PALM2AKAP2: variants seen among roughly 807,000 people sequenced by gnomAD.
PALM2AKAP2 encodes the protein PALM2 and AKAP2 fusion.
PALM2AKAP2 carries 37 observed loss-of-function variants against 71.5 expected under a neutral mutation model. That is an observed-to-expected ratio of 0.52 (90% CI 0.40 to 0.68). The LOEUF is 0.68. Among genes scored for constraint, PALM2AKAP2 ranks in the 30% least tolerant of loss-of-function variants. PALM2AKAP2 has a pLI of 0.00. For synonymous variants in PALM2AKAP2, 468 were observed against 478.8 expected (o/e 0.98, Z 0.29); for missense variants, 1,224 against 1,191.8 (o/e 1.03, Z -0.40).
intron 2 of PALM2AKAP2, among the ~76,000 whole-genome samples, chr9:110,149,865 A>T (rs1836267672): frequency 6.6e-6 from 1 of 152,226 alleles, no homozygotes; most frequent in Admixed American, 6.5e-5. Context: ...GCTATGGATG[A>T]CTATCTGACC....
intron 1 of PALM2AKAP2, among the ~76,000 whole-genome samples, chr9:110,115,727 C>G (rs1422679818): frequency 6.7e-6 from 1 of 148,464 alleles, no homozygotes; most frequent in Non-Finnish European, 1.5e-5. Context: ...GGTGGCAATT[C>G]ACAGTGATGC....
At chr9:109,766,193 G>A (rs1018200915) in intron 1 of PALM2AKAP2, among the ~76,000 whole-genome samples, 1 of 152,196 alleles carries the variant, frequency 6.6e-6, no homozygotes, top group Non-Finnish European at 1.5e-5. Context: ...CAGGGTCAAC[G>A]TTTTGCCCAT....
At chr9:109,645,995 C>T (rs951656256) in intron 1 of PALM2AKAP2, among the ~76,000 whole-genome samples, 3 of 151,866 alleles carry the variant, frequency 2.0e-5, no homozygotes, top group Non-Finnish European at 4.4e-5. Flanking sequence ...AAATCCAAAG[C>T]AAGCAGAAAA....
At chr9:109,995,507 C>T (rs943048093) in intron 6 of PALM2AKAP2, among the ~76,000 whole-genome samples, 2 of 152,192 alleles carry the variant, frequency 1.3e-5, no homozygotes, top group African/African-American at 2.4e-5. Context: ...TTAATTGGCT[C>T]ACAGTTCCAC....
chr9:110,079,210 CA>C (rs2118676193), intron 1 of PALM2AKAP2, among the ~76,000 whole-genome samples: 1 of 152,242 alleles, frequency 6.6e-6, no homozygotes, highest in East Asian at 1.9e-4. Context: ...TGAGGACACA[CA>C]GCTTATTTTA....
chr9:109,957,482 G>A lies in PALM2AKAP2; in HGVS notation c.496+25454G>A, dbSNP rs576247275. On this transcript the variant is annotated intron_variant, in intron 6 of 9. Coordinates refer to the PALM2AKAP2 transcript ENST00000302798. ...CAAGCTGTAAACTGGCTCAGCACTA[G>A]AGAAGCAGCAGACATGAGTAGAAAA... Among the ~76,000 whole-genome samples the A allele has an allele frequency of 8.5e-5, 13 of 152,334 alleles. No individual in the cohort carries two copies. In the South Asian group the frequency reaches 2.7e-3, roughly 32 times the overall value.
intron 7 of PALM2AKAP2, among the ~76,000 whole-genome samples, chr9:110,017,193 T>C (rs571281103): frequency 5.2e-5 from 8 of 152,382 alleles, no homozygotes. Context: ...CTCCTGGATC[T>C]ATTAGTAGAA....
chr9:109,812,224 C>T (rs1018111720), intron 1 of PALM2AKAP2, among the ~76,000 whole-genome samples: 2 of 152,196 alleles, frequency 1.3e-5, no homozygotes, highest in South Asian at 4.2e-4. Context: ...GAATACTCCT[C>T]TGAGAAGGGA....
chr9:110,056,260 G>A (rs528026818), intron 1 of PALM2AKAP2, among the ~76,000 whole-genome samples: 86 of 152,336 alleles, frequency 5.6e-4, no homozygotes, highest in African/African-American at 1.2e-3. Context: ...AGCTGACTGC[G>A]TCAGCTTACA....
chr9:110,140,874 G>C (rs1271576553), intron 2 of PALM2AKAP2, among the ~76,000 whole-genome samples: 1 of 152,162 alleles, frequency 6.6e-6, no homozygotes, highest in East Asian at 1.9e-4. Flanking sequence ...AGTTGTTTGG[G>C]AAGGAAAGGA....
intron 1 of PALM2AKAP2, among the ~76,000 whole-genome samples, chr9:110,063,642 C>T (rs1322617863): frequency 6.6e-6 from 1 of 151,928 alleles, no homozygotes; most frequent in Admixed American, 6.6e-5. Context: ...CAAAATTTCA[C>T]CACGTTGGCC....
chr9:110,097,493 C>T (rs1405120652), intron 1 of PALM2AKAP2, among the ~76,000 whole-genome samples: 3 of 152,156 alleles, frequency 2.0e-5, no homozygotes, highest in South Asian at 2.1e-4. Flanking sequence ...GGGTGGTGGC[C>T]GGGCAGAGAC....
chr9:110,137,146 T>C (rs141692353), exon 2 of PALM2AKAP2: 39 of 1,613,556 alleles, frequency 2.4e-5, no homozygotes, highest in Non-Finnish European at 3.0e-5. Context: ...CCTCTTCTCA[T>C]GAACGCGCAA....
At chr9:110,014,804 ATGTATATATATATATATAT>A (rs1185901028) in intron 6 of PALM2AKAP2, among the ~76,000 whole-genome samples, 1 of 4,294 alleles carries the variant, frequency 2.3e-4, no homozygotes, top group African/African-American at 5.8e-4. Flanking sequence ...AAAAAAAAAA[ATGTATATATATATATATAT>A]ATATATATAT....
intron 6 of PALM2AKAP2, among the ~76,000 whole-genome samples, chr9:110,008,196 G>T (rs1394415206): frequency 6.6e-6 from 1 of 152,144 alleles, no homozygotes; most frequent in African/African-American, 2.4e-5. Context: ...TCTACGGCTA[G>T]CCCTGGGGAA....
intron 1 of PALM2AKAP2, among the ~76,000 whole-genome samples, chr9:109,676,297 A>G (rs1024660453): frequency 1.3e-5 from 2 of 152,178 alleles, no homozygotes; most frequent in East Asian, 3.8e-4. Context: ...ATAGGGAGGA[A>G]TTATTGTTTG....
intron 1 of PALM2AKAP2, among the ~76,000 whole-genome samples, chr9:109,834,092 A>C (rs1317732509): frequency 1.3e-5 from 2 of 152,182 alleles, no homozygotes; most frequent in Non-Finnish European, 2.9e-5. Context: ...ATGCACCTGT[A>C]ATCTCAGCTA....
chr9:109,764,148 A>T (rs1208269625), intron 1 of PALM2AKAP2, among the ~76,000 whole-genome samples: 1 of 152,118 alleles, frequency 6.6e-6, no homozygotes, highest in African/African-American at 2.4e-5. Flanking sequence ...CAGTCTTCAC[A>T]CAGCAACCCA....
At position 110,016,949 on chromosome 9, in the gene PALM2AKAP2, G is replaced by A. The variant is rs142484340; in HGVS notation, c.582+910G>A. On this transcript the variant is annotated intron_variant, in intron 7 of 9. Transcript: ENST00000302798. The stretch of plus-strand genomic sequence containing the variant: ...GGCCGGAGTGCAGTGGTGCGATCTC[G>A]GCTCACTGCAAGCTCCGCCTCCCGG... Among the ~76,000 whole-genome samples the A allele has an allele frequency of 2.3e-3, 356 of 151,982 alleles. 3 individuals are homozygous for A. The highest frequency in any genetic ancestry group is 0.021 in the East Asian group (109 of 5,166).
Sources: gnomAD v4.1 joint callset for allele counts (sites outside exome capture counted in the v4.1 genomes callset) on GRCh38, gnomAD v4.1.1 for gene constraint, MANE v1.5 for transcripts, NCBI Gene and HGNC (gene_info 2026-07-23, HGNC 2026-07-21) for gene names.